COL5A1: variants seen among roughly 807,000 people sequenced by gnomAD.
COL5A1 encodes collagen type V alpha 1 chain, also known as collagen alpha-1(V) chain.
COL5A1 carries 16 observed loss-of-function variants against 263.7 expected under a neutral mutation model. That is an observed-to-expected ratio of 0.06 (90% CI 0.04 to 0.09). The LOEUF is 0.09. Among genes scored for constraint, COL5A1 ranks in the 10% least tolerant of loss-of-function variants. The pLI, the probability that COL5A1 is intolerant of heterozygous loss-of-function variation, is 1.00. For synonymous variants in COL5A1, 1,012 were observed against 1,004.5 expected (o/e 1.01, Z -0.14); for missense variants, 2,036 against 2,540.5 (o/e 0.80, Z 4.27).
In COL5A1 at chr9:134,728,949, C is replaced by T. The variant is rs2132635832; in HGVS notation, c.924+142C>T. The T allele has an allele frequency of 4.7e-6, 5 of 1,060,028 alleles. No homozygotes were observed. The East Asian group carries it at 9.8e-5, about 21-fold the overall frequency. 65.7% of individuals were successfully genotyped at this position (1,060,028 alleles called of 1,614,324 possible). A position where few individuals can be genotyped will look rare whatever the true frequency, so the allele number is the denominator to read the frequency against. ...TTGCGGGGGCAGCTCAGTGAGGGAG[C>T]CGGCTGTTGCCATCCGAGCTTTGCT... On this transcript the variant is annotated intron_variant, in intron 6 of 65. Coordinates refer to ENST00000371817, the MANE Select transcript of COL5A1 (RefSeq NM_000093.5).
chr9:134,805,326 G>A (rs1226379728), intron 41 of COL5A1, 112 bp downstream of exon 41: 6 of 1,282,150 alleles, frequency 4.7e-6, no homozygotes, highest in Non-Finnish European at 6.8e-6. Context: ...CGAGGAGCCT[G>A]GGGAGGATGT....
intron 1 of COL5A1, among the ~76,000 whole-genome samples, chr9:134,649,151 G>A (rs1408662140): frequency 6.6e-6 from 1 of 152,136 alleles, no homozygotes; most frequent in Non-Finnish European, 1.5e-5. Flanking sequence ...CCAGCCCCAG[G>A]CCACTGGAGA....
At position 134,835,058 on chromosome 9, in the gene COL5A1, G is replaced by A. The variant is rs946316218; in HGVS notation, c.5224G>A (p.Val1742Ile). ...RLLSASAHQN[V>I]TYHCYQSVAW... Reference sequence around the variant, plus strand: ...GCTGAGCGCCTCTGCCCACCAGAACGTCACCTACCACTGCTACCAGTCAGT... The same window carrying A: ...GCTGAGCGCCTCTGCCCACCAGAACATCACCTACCACTGCTACCAGTCAGT... Residue 1742 changes from valine to isoleucine, a missense_variant, in exon 65 of 66, where the codon GTC becomes ATC. Coordinates refer to ENST00000371817, the MANE Select transcript of COL5A1 (RefSeq NM_000093.5). 19 of 1,613,374 alleles carry A rather than the reference G, an allele frequency of 1.2e-5. No individual in the cohort carries two copies. Among genetic ancestry groups the A allele is most frequent in the East Asian group, 2.2e-5 (1 of 44,888 alleles).
chr9:134,708,658 G>A (rs751224662), intron 4 of COL5A1: 12 of 518,682 alleles, frequency 2.3e-5, no homozygotes, highest in Admixed American at 1.2e-4. Context: ...GCCCCTTGTC[G>A]TGTCTTCAGC....
intron 1 of COL5A1, among the ~76,000 whole-genome samples, chr9:134,668,665 C>A (rs1203456485): frequency 6.6e-6 from 1 of 152,054 alleles, no homozygotes; most frequent in Non-Finnish European, 1.5e-5. Context: ...TCCATCCAAT[C>A]AGACACCCAC....
At chr9:134,658,247 G>C (rs971971486) in intron 1 of COL5A1, among the ~76,000 whole-genome samples, 1 of 152,136 alleles carries the variant, frequency 6.6e-6, no homozygotes, top group Non-Finnish European at 1.5e-5. Context: ...CAGCACCCAC[G>C]CTGGGAGGTT....
At chr9:134,745,348 C>T (rs551960978) in intron 11 of COL5A1, among the ~76,000 whole-genome samples, 4 of 152,192 alleles carry the variant, frequency 2.6e-5, no homozygotes, top group East Asian at 1.9e-4. Flanking sequence ...GCATGAATGG[C>T]GCCAAGTGCA....
chr9:134,759,577 CA>C, intron 18 of COL5A1, among the ~76,000 whole-genome samples: 1 of 141,940 alleles, frequency 7.0e-6, no homozygotes, highest in African/African-American at 2.7e-5. Context: ...ACACACCACA[CA>C]CCCCCACACA....
chr9:134,768,822 T>C (rs1386288424), intron 25 of COL5A1, among the ~76,000 whole-genome samples: 3 of 152,188 alleles, frequency 2.0e-5, no homozygotes, highest in Non-Finnish European at 4.4e-5. Flanking sequence ...AGAGGCAGGG[T>C]ACGTGGTGTG....
intron 1 of COL5A1, among the ~76,000 whole-genome samples, chr9:134,671,325 T>C (rs1832533902): frequency 6.6e-6 from 1 of 152,288 alleles, no homozygotes; most frequent in African/African-American, 2.4e-5. Flanking sequence ...AGTGCACCAA[T>C]GTGTGGTGCA....
At chr9:134,825,610 C>G (rs1839233471) in intron 62 of COL5A1, among the ~76,000 whole-genome samples, 182 bp from the exon 63 acceptor site, 1 of 152,176 alleles carries the variant, frequency 6.6e-6, no homozygotes, top group Non-Finnish European at 1.5e-5. Flanking sequence ...GTCCACATCT[C>G]TTTATGGGCC....
rs551454652 is a variant in COL5A1, at chr9:134,789,693, G to A, written c.2700+485G>A. On this transcript the variant is annotated intron_variant, in intron 32 of 65. Coordinates refer to ENST00000371817, the MANE Select transcript of COL5A1 (RefSeq NM_000093.5). This position sits in a 1 kb window ranked among gnomAD's most constrained non-coding sequence, Gnocchi z 4.8. ...CTGCCATTGTCATAAACACCCACCA[G>A]CTTGCAGTGTGGTTTGAGTCCCCTT... Among the ~76,000 whole-genome samples the A allele has an allele frequency of 1.3e-5, 2 of 152,332 alleles. No individual in the cohort carries two copies. The highest frequency in any genetic ancestry group is 1.3e-4 in the Admixed American group (2 of 15,312).
intron 1 of COL5A1, among the ~76,000 whole-genome samples, chr9:134,689,565 G>A (rs1383528446): frequency 6.6e-6 from 1 of 152,216 alleles, no homozygotes; most frequent in Admixed American, 6.5e-5. Flanking sequence ...CTCTCCACCT[G>A]CTCAGGAGAC....
chr9:134,759,615 CAT>C (rs1245210009), intron 18 of COL5A1, among the ~76,000 whole-genome samples: 10 of 134,758 alleles, frequency 7.4e-5, no homozygotes, highest in South Asian at 2.5e-4. Flanking sequence ...CCCCCACACA[CAT>C]ATGCACACAT....
At position 134,681,733 on chromosome 9, in the gene COL5A1, C is replaced by T. The variant is rs948993928; in HGVS notation, c.110-9179C>T. On this transcript the variant is annotated intron_variant, in intron 1 of 65. Transcript: ENST00000371817. This position sits in a 1 kb window ranked among gnomAD's most constrained non-coding sequence, Gnocchi z 4.3. Reference sequence around the variant, plus strand: ...CTCTTAGCCCAGATGCTATTTATGACTCCTGGCTCTAAAATTAGAGTTCTA... The same window carrying T: ...CTCTTAGCCCAGATGCTATTTATGATTCCTGGCTCTAAAATTAGAGTTCTA... Among the ~76,000 whole-genome samples, 6 of 152,208 alleles carry T rather than the reference C, an allele frequency of 3.9e-5. No individual in the cohort carries two copies. Among genetic ancestry groups the T allele is most frequent in the Non-Finnish European group, 7.3e-5 (5 of 68,030 alleles).
chr9:134,681,073 G>T lies in COL5A1; in HGVS notation c.110-9839G>T, dbSNP rs1197520696. Among the ~76,000 whole-genome samples, 1 of 152,156 alleles carries T rather than the reference G, an allele frequency of 6.6e-6. No homozygotes were observed. The highest frequency in any genetic ancestry group is 1.5e-5 in the Non-Finnish European group (1 of 68,034). ...TGCTTTGCTCCCTGGTTTAGTCATT[G>T]AGGAAGAATTTCAGTCGCAGCCTCC... On this transcript the variant is annotated intron_variant, in intron 1 of 65. Coordinates refer to ENST00000371817, the MANE Select transcript of COL5A1 (RefSeq NM_000093.5). The surrounding 1 kb of genome is among the most constrained non-coding windows in gnomAD (Gnocchi z 4.3).
At chr9:134,750,192 TC>T (rs1425286596) in intron 11 of COL5A1, among the ~76,000 whole-genome samples, 1 of 152,172 alleles carries the variant, frequency 6.6e-6, no homozygotes, top group Admixed American at 6.5e-5. Flanking sequence ...AAAGGGGCGT[TC>T]CTGGAGCGAC....
At chr9:134,668,744 T>C (rs79149977) in intron 1 of COL5A1, among the ~76,000 whole-genome samples, 1 of 151,798 alleles carries the variant, frequency 6.6e-6, no homozygotes, top group Non-Finnish European at 1.5e-5. Flanking sequence ...TACCCATCCA[T>C]CTGTCCACCC....
chr9:134,834,077 A>G (rs949330637), intron 64 of COL5A1, among the ~76,000 whole-genome samples: 17 of 152,180 alleles, frequency 1.1e-4, no homozygotes, highest in African/African-American at 1.9e-4. Context: ...TCAGGGGCAG[A>G]AGGAGGACAC....
Sources: gnomAD v4.1 joint callset for allele counts (sites outside exome capture counted in the v4.1 genomes callset) on GRCh38, gnomAD v4.1.1 for gene constraint, Gnocchi (gnomAD v3.1) non-coding constraint, MANE v1.5 for transcripts, NCBI Gene and HGNC (gene_info 2026-07-23, HGNC 2026-07-21) for gene names.